Variants in SLC5A2 observed in about 807,000 individuals in gnomAD.
SLC5A2 encodes sodium/glucose cotransporter 2.
Under a neutral mutation model 69.0 loss-of-function variants are expected in SLC5A2, and 67 were observed. The ratio of observed to expected loss-of-function variants is 0.97; its 90% CI spans 0.80 to 1.19. SLC5A2 has a LOEUF of 1.19. SLC5A2 is among the 50% of genes most tolerant of loss of function. SLC5A2 has a pLI of 0.00. For missense variants in SLC5A2, 1,001 were observed against 921.5 expected, an observed-to-expected ratio of 1.09 and a Z score of -1.12; for synonymous variants, 455 against 395.8, an observed-to-expected ratio of 1.15 and a Z score of -1.78.
At position 31,488,064 on chromosome 16, in the gene SLC5A2, G is replaced by A. The variant is rs778877811; in HGVS notation, c.912G>A (p.Gly304=). 4 of 1,613,828 alleles carry A rather than the reference G, an allele frequency of 2.5e-6. No homozygotes were observed. In the South Asian group the frequency reaches 4.4e-5, roughly 18 times the overall value. The part of the protein sequence containing the change: ...DQVIVQRCLA[G]KSLTHIKAGC... Reference sequence around the variant, plus strand: ...TCATCGTGCAGCGCTGCCTGGCCGGGAAGAGCCTGACCCACATCAAGGCGG... The same window carrying A: ...TCATCGTGCAGCGCTGCCTGGCCGGAAAGAGCCTGACCCACATCAAGGCGG... Residue 304 remains glycine, a synonymous_variant, in exon 8 of 14, where the codon GGG becomes GGA. Coordinates refer to ENST00000330498, the MANE Select transcript of SLC5A2 (RefSeq NM_003041.4).
Position 31,489,342 on chromosome 16 carries a change from A to T in SLC5A2, c.1665+4A>T, listed in dbSNP as rs965234059. 1.2e-6 allele frequency: 2 copies of T among 1,606,332 alleles called. No homozygotes were observed. The highest frequency in any genetic ancestry group is 3.3e-5 in the Admixed American group (2 of 59,998). On this transcript the variant is annotated splice_donor_region_variant and intron_variant, in intron 12 of 13. Transcript: ENST00000330498. The stretch of plus-strand genomic sequence containing the variant: ...CGCGCCCATCCCCAGAAAGCACGTG[A>T]GTGGCCAGGTGCCCCAGGCAAGCAC...
chr16:31,489,302 G>C lies in SLC5A2; in HGVS notation c.1629G>C (p.Thr543=), dbSNP rs779189173. ...TCTGCTCTGGCCTCCTCACCCTCAC[G>C]GTCTCCCTGTGCACCGCGCCCATCC... is the stretch of plus-strand genomic sequence containing the variant. ...LFFCSGLLTL[T]VSLCTAPIPR... The change falls in exon 12 of 14, where the codon ACG becomes ACC. Residue 543 remains threonine (T), a synonymous_variant. Transcript: ENST00000330498. The C allele has an allele frequency of 5.0e-6, 8 of 1,610,134 alleles. No individual in the cohort carries two copies. Among genetic ancestry groups the C allele is most frequent in the South Asian group, 1.1e-5 (1 of 91,086 alleles).
At position 31,490,201 on chromosome 16, in the gene SLC5A2, G is replaced by A. The variant is rs1430993168; in HGVS notation, c.1763G>A (p.Gly588Glu). The A allele has an allele frequency of 6.2e-7, 1 of 1,614,184 alleles. No homozygotes were observed. The highest frequency in any genetic ancestry group is 1.7e-5 in the Admixed American group (1 of 60,028). The stretch of plus-strand genomic sequence containing the variant: ...GGCTCCTCACTCCCTGTACAGAATG[G>A]GTGCCCAGAGAGTGCCATGGAGATG... ...QQGSSLPVQN[G>E]CPESAMEMNE... The change falls in exon 13 of 14, where the codon GGG becomes GAG. Residue 588 changes from glycine to glutamate, a missense_variant. Gly to Glu is a moderately conservative substitution (Grantham distance 98). Transcript: ENST00000330498.
intron 12 of SLC5A2, 166 bp downstream of exon 12, chr16:31,489,504 AT>A: frequency 1.5e-6 from 1 of 680,734 alleles, no homozygotes; most frequent in Non-Finnish European, 2.6e-6. Context: ...ATTTAAATAC[AT>A]TTATTTGAAC....
Position 31,485,894 on chromosome 16 carries a change from G to C in SLC5A2, c.468+1G>C. 1 of 1,613,530 alleles carries C rather than the reference G, an allele frequency of 6.2e-7. No homozygotes were observed. Among genetic ancestry groups the C allele is most frequent in the Non-Finnish European group, 8.5e-7 (1 of 1,180,038 alleles). On this transcript the variant is annotated splice_donor_variant, in intron 4 of 13. Transcript: ENST00000330498. LOFTEE classifies it high-confidence loss of function. The stretch of plus-strand genomic sequence containing the variant: ...CCTGTACATCTTCACCAAGATCTCA[G>C]TGAGTGCCTGTGGCAGATGCGATTG...
rs1377544160 is a variant in SLC5A2 at position 31,487,690 on chromosome 16, G to T, written c.816G>T (p.Gly272=). The change falls in exon 7 of 14, where the codon GGG becomes GGT. Residue 272 remains glycine, a synonymous_variant. Transcript: ENST00000330498. ...SYHLLRHPVT[G]DLPWPALLLG... ...ACCTGCTCCGGCACCCCGTGACCGG[G>T]GATCTGCCGTGGCCCGCGCTGCTCC... The T allele has an allele frequency of 3.1e-6, 5 of 1,613,534 alleles. No homozygotes were observed. Among genetic ancestry groups the T allele is most frequent in the Middle Eastern group, 1.6e-4 (1 of 6,062 alleles).
Position 31,489,223 on chromosome 16 carries a change from G to A in SLC5A2, c.1550G>A (p.Cys517Tyr), listed in dbSNP as rs754443312. The part of the protein sequence containing the change: ...GSGSCVQPSA[C>Y]PAFLCGVHYL... ...GGCAGCTGTGTGCAGCCCTCGGCGTGCCCAGCTTTCCTCTGCGGCGTGCAC... is the reference window on the plus strand; with the variant it reads ...GGCAGCTGTGTGCAGCCCTCGGCGTACCCAGCTTTCCTCTGCGGCGTGCAC... The change falls in exon 12 of 14, where the codon TGC (cysteine) becomes TAC (tyrosine). Residue 517 changes from cysteine to tyrosine, a missense_variant. Physicochemically the swap from Cys to Tyr is radical, Grantham distance 194. Coordinates refer to ENST00000330498, the MANE Select transcript of SLC5A2 (RefSeq NM_003041.4). 3 of 1,610,396 alleles carry A rather than the reference G, an allele frequency of 1.9e-6. No individual in the cohort carries two copies. Among genetic ancestry groups the A allele is most frequent in the Non-Finnish European group, 2.5e-6 (3 of 1,180,014 alleles).
rs373529115 is a variant in SLC5A2 at position 31,483,265 on chromosome 16, G to T, written c.126+3G>T. On this transcript the variant is annotated splice_donor_region_variant and intron_variant, in intron 1 of 13. Transcript: ENST00000330498. ...TGGTCATTGGCGTTGGCTTGTGGGT[G>T]AGAAGTTGGGGGGTGTGCTGCTGGT... The T allele has an allele frequency of 1.9e-6, 3 of 1,613,970 alleles. No individual in the cohort carries two copies. The South Asian group carries it at 3.3e-5, about 18-fold the overall frequency.
rs1376565960 is a variant in SLC5A2, at chr16:31,489,001, T to C, written c.1402T>C (p.Ser468Pro). 1 of 1,600,696 alleles carries C rather than the reference T, an allele frequency of 6.2e-7. No individual in the cohort carries two copies. Among genetic ancestry groups the C allele is most frequent in the Non-Finnish European group, 8.5e-7 (1 of 1,179,826 alleles). The part of the protein sequence containing the change: ...AVSSYLAPPV[S>P]AVFVLALFVP... ...CTCTAGCTACCTGGCACCGCCCGTGTCCGCCGTCTTCGTGCTGGCGCTCTT... is the reference window on the plus strand; with the variant it reads ...CTCTAGCTACCTGGCACCGCCCGTGCCCGCCGTCTTCGTGCTGGCGCTCTT... The change falls in exon 11 of 14, where the codon TCC (serine) becomes CCC (proline). Residue 468 changes from serine to proline, a missense_variant. Transcript: ENST00000330498.
At position 31,490,387 on chromosome 16, in the gene SLC5A2, G is replaced by A; in HGVS notation, c.1871G>A (p.Ser624Asn). The A allele has an allele frequency of 1.2e-6, 2 of 1,613,322 alleles. No individual in the cohort carries two copies. Among genetic ancestry groups the A allele is most frequent in the Non-Finnish European group, 1.7e-6 (2 of 1,179,788 alleles). ...GGAATGAGCAGAGGTGGGGTGGGCA[G>A]TCCTCCGCCCCTTACCCAGGAGGAG... Reference protein sequence around the residue: ...FCGMSRGGVGSPPPLTQEEAA... With the variant: ...FCGMSRGGVGNPPPLTQEEAA... Residue 624 changes from serine to asparagine, a missense_variant, in exon 14 of 14, where the codon AGT becomes AAT. Ser to Asn is a conservative substitution (Grantham distance 46). Transcript: ENST00000330498.
chr16:31,488,638 G>A lies in SLC5A2; in HGVS notation c.1146G>A (p.Met382Ile), dbSNP rs750354626. ...KLMPNGLRGL[M>I]LAVMLAALMS... Reference sequence around the variant, plus strand: ...GGCCCGCAGGTCTGCGCGGACTCATGCTGGCGGTCATGCTGGCCGCGCTCA... The same window carrying A: ...GGCCCGCAGGTCTGCGCGGACTCATACTGGCGGTCATGCTGGCCGCGCTCA... The change falls in exon 10 of 14, where the codon ATG becomes ATA. Residue 382 changes from methionine (M) to isoleucine (I), a missense_variant. Coordinates refer to ENST00000330498, the MANE Select transcript of SLC5A2 (RefSeq NM_003041.4). 7.4e-6 allele frequency: 12 copies of A among 1,611,320 alleles called. No individual in the cohort carries two copies. The highest frequency in any genetic ancestry group is 1.1e-5 in the South Asian group (1 of 90,966).
In SLC5A2 at chr16:31,488,937, G is replaced by T; in HGVS notation, c.1338G>T (p.Ala446=). The change falls in exon 11 of 14, where the codon GCG becomes GCT. Residue 446 remains alanine (A), a synonymous_variant. Coordinates refer to ENST00000330498, the MANE Select transcript of SLC5A2 (RefSeq NM_003041.4). ...TGGCCTGGCTTCCCGTGGTGCAGGC[G>T]GCACAGGGCGGGCAGCTCTTCGATT... is the stretch of plus-strand genomic sequence containing the variant. The part of the protein sequence containing the change: ...VSVAWLPVVQ[A]AQGGQLFDYI... The T allele has an allele frequency of 6.2e-7, 1 of 1,604,250 alleles. No individual in the cohort carries two copies. Among genetic ancestry groups the T allele is most frequent in the Non-Finnish European group, 8.5e-7 (1 of 1,179,870 alleles).
chr16:31,490,002 A>G, intron 12 of SLC5A2, 102 bp from the exon 13 acceptor site: 1 of 1,489,850 alleles, frequency 6.7e-7, no homozygotes, highest in Non-Finnish European at 9.2e-7. Flanking sequence ...GACTGGACAG[A>G]GGTGGGTAGG....
chr16:31,488,716 C>T lies in SLC5A2; in HGVS notation c.1224C>T (p.Asp408=). The T allele has an allele frequency of 4.3e-6, 7 of 1,609,734 alleles. No individual in the cohort carries two copies. The highest frequency in any genetic ancestry group is 5.9e-6 in the Non-Finnish European group (7 of 1,178,348). ...FNSSSTLFTM[D]IYTRLRPRAG... is the part of the protein sequence containing the mutation. ...GCAGCAGCACGCTCTTCACCATGGA[C>T]ATCTACACGCGCCTGCGGCCACGCG... The change falls in exon 10 of 14, where the codon GAC becomes GAT. Residue 408 remains aspartate (D), a synonymous_variant. Coordinates refer to ENST00000330498, the MANE Select transcript of SLC5A2 (RefSeq NM_003041.4).
Position 31,484,919 on chromosome 16 carries a change from G to A in SLC5A2, c.299G>A (p.Trp100Ter). ...ASGLAVAGFEWNALFVVLLLG... is the reference protein window; with the variant it reads ...ASGLAVAGFE Reference sequence around the variant, plus strand: ...GGCTTGGCTGTTGCTGGATTCGAGTGGAATGTGAGGCCCTCTTTTTTCCAA... The same window carrying A: ...GGCTTGGCTGTTGCTGGATTCGAGTAGAATGTGAGGCCCTCTTTTTTCCAA... The change falls in exon 3 of 14, where the codon TGG becomes TAG. Residue 100 changes from tryptophan to a stop codon, truncating the protein, a stop_gained. Coordinates refer to ENST00000330498, the MANE Select transcript of SLC5A2 (RefSeq NM_003041.4). LOFTEE classifies it high-confidence loss of function. 6.2e-7 allele frequency: 1 copy of A among 1,613,858 alleles called. No individual in the cohort carries two copies. The highest frequency in any genetic ancestry group is 8.5e-7 in the Non-Finnish European group (1 of 1,179,824).
rs756913896 is a variant in SLC5A2, at chr16:31,485,744, C to T, written c.319C>T (p.Leu107=). ...GFEWNALFVV[L]LLGWLFAPVY... is the part of the protein sequence containing the mutation. ...CCCCCCGTAGGCGCTCTTCGTGGTG[C>T]TGCTACTGGGCTGGCTGTTTGCACC... The change falls in exon 4 of 14, where the codon CTG becomes TTG. Residue 107 remains leucine, a synonymous_variant. Transcript: ENST00000330498. The T allele has an allele frequency of 1.6e-5, 26 of 1,613,670 alleles. No individual in the cohort carries two copies. The South Asian group carries it at 2.5e-4, about 16-fold the overall frequency.
At chr16:31,485,515 G>A (rs767242772) in intron 3 of SLC5A2, 4 of 610,120 alleles carry the variant, frequency 6.6e-6, no homozygotes, top group Non-Finnish European at 1.2e-5. Context: ...GTGATAGCCT[G>A]GGGAGACAAG....
Position 31,487,549 on chromosome 16 carries a change from G to A in SLC5A2, c.675G>A (p.Gly225=), listed in dbSNP as rs777258044. ...CGGCAGCCTTCCACGAGGTGGGCGG[G>A]TATTCGGGTCTCTTCGACAAATACC... ...LMGYAFHEVG[G]YSGLFDKYLG... is the part of the protein sequence containing the mutation. The change falls in exon 7 of 14, where the codon GGG becomes GGA. Residue 225 remains glycine, a synonymous_variant. Coordinates refer to ENST00000330498, the MANE Select transcript of SLC5A2 (RefSeq NM_003041.4). The A allele has an allele frequency of 5.6e-6, 9 of 1,613,876 alleles. No individual in the cohort carries two copies. The highest frequency in any genetic ancestry group is 7.6e-6 in the Non-Finnish European group (9 of 1,179,990).
intron 7 of SLC5A2, 59 bp from the exon 8 acceptor site, chr16:31,487,979 G>A: frequency 1.2e-6 from 2 of 1,602,314 alleles, no homozygotes; most frequent in Non-Finnish European, 1.7e-6. Flanking sequence ...AGCGGAACGG[G>A]GCGCGGGGCG....
Sources: gnomAD v4.1 joint callset for allele counts on GRCh38, gnomAD v4.1.1 for gene constraint, MANE v1.5 for transcripts, NCBI Gene and HGNC (gene_info 2026-07-23, HGNC 2026-07-21) for gene names.